DSN1: variants seen among roughly 807,000 people sequenced by gnomAD.
The protein encoded by DSN1 is kinetochore-associated protein DSN1 homolog.
A neutral mutation model predicts 45.7 loss-of-function variants in DSN1; 31 were observed. That is an observed-to-expected ratio of 0.68 (90% CI 0.51 to 0.92). The LOEUF is 0.92. Among genes scored for constraint, DSN1 ranks in the 40% least tolerant of loss-of-function variants. DSN1 has a pLI of 0.00. For missense variants in DSN1, 394 were observed against 414.2 expected, an observed-to-expected ratio of 0.95 and a Z score of 0.42; for synonymous variants, 134 against 142.3, an observed-to-expected ratio of 0.94 and a Z score of 0.41.
chr20:36,754,791 C>T lies in DSN1; in HGVS notation c.933G>A (p.Gln311=), dbSNP rs1390343287. 1 of 1,613,962 alleles carries T rather than the reference C, an allele frequency of 6.2e-7. No homozygotes were observed. Among genetic ancestry groups the T allele is most frequent in the Non-Finnish European group, 8.5e-7 (1 of 1,179,878 alleles). ...QLQAFMDEST[Q]CFQKVSVQLG... ...GCTGTACTGACACCTTCTGGAAGCA[C>T]TGGGTACTTTCATCCATAAAGGCCT... Residue 311 remains glutamine (Q), a synonymous_variant, in exon 10 of 11, where the codon CAG becomes CAA. Coordinates refer to ENST00000373750, the MANE Select transcript of DSN1 (RefSeq NM_001145315.2).
At position 36,758,680 on chromosome 20, in the gene DSN1, T is replaced by A. The variant is rs1468539796; in HGVS notation, c.591-63A>T. The A allele has an allele frequency of 7.6e-6, 11 of 1,443,848 alleles. No homozygotes were observed. The East Asian group carries it at 2.5e-4, about 33-fold the overall frequency. 89.4% of individuals were successfully genotyped at this position (1,443,848 alleles called of 1,614,324 possible). A position where few individuals can be genotyped will look rare whatever the true frequency, so the allele number is the denominator to read the frequency against. On this transcript the variant is annotated intron_variant, in intron 6 of 10. Transcript: ENST00000373750. ...GAAATATTTGCTTTAATATAATCGC[T>A]TATAAATTAGTTATTTATTTATTTC... is the stretch of plus-strand genomic sequence containing the variant.
intron 4 of DSN1, 126 bp from the exon 5 acceptor site, chr20:36,766,967 T>C: frequency 1.7e-6 from 1 of 580,546 alleles, no homozygotes; most frequent in Non-Finnish European, 2.9e-6. Flanking sequence ...TTTTTACACA[T>C]AAGACTTTTC....
At position 36,762,545 on chromosome 20, in the gene DSN1, G is replaced by A. The variant is rs1464595459; in HGVS notation, c.506C>T (p.Ser169Phe). The stretch of plus-strand genomic sequence containing the variant: ...ATGTTTCAATTCTTCAGAAAGAGAA[G>A]ATGCTAGACAGCACAAATTTACGTG... ...FSLESFRAKA[S>F]SLSEELKHFA... Residue 169 changes from serine (S) to phenylalanine (F), a missense_variant, in exon 6 of 11, where the codon TCT becomes TTT. By Grantham distance (155) the Ser-to-Phe change is radical. Transcript: ENST00000373750. 1 of 1,612,590 alleles carries A rather than the reference G, an allele frequency of 6.2e-7. No individual in the cohort carries two copies. The highest frequency in any genetic ancestry group is 1.3e-5 in the African/African-American group (1 of 74,980).
chr20:36,762,355 C>T (rs1987042149), intron 6 of DSN1, 106 bp downstream of exon 6: 1 of 868,188 alleles, frequency 1.2e-6, no homozygotes, highest in Non-Finnish European at 1.7e-6. Flanking sequence ...CGTAATCCGC[C>T]CACCTCGGCC....
chr20:36,765,839 A>G (rs763166375), intron 5 of DSN1, among the ~76,000 whole-genome samples: 1 of 148,414 alleles, frequency 6.7e-6, no homozygotes, highest in Non-Finnish European at 1.5e-5. Flanking sequence ...CTGTAGTAGC[A>G]AAAGACTAAA....
At chr20:36,766,181 C>T (rs114213036) in intron 5 of DSN1, among the ~76,000 whole-genome samples, 1,422 of 134,548 alleles carry the variant, frequency 0.011, 7 homozygotes, top group Middle Eastern at 0.045. Flanking sequence ...GTGACAGAGC[C>T]GCGACTCCAT....
intron 1 of DSN1, among the ~76,000 whole-genome samples, 156 bp from the exon 2 acceptor site, chr20:36,771,629 C>T (rs982354267): frequency 6.6e-6 from 1 of 152,230 alleles, no homozygotes; most frequent in African/African-American, 2.4e-5. Context: ...GGGGCCATCA[C>T]CTCCTCTTCT....
At chr20:36,766,439 G>A (rs1192717727) in intron 5 of DSN1, among the ~76,000 whole-genome samples, 1 of 151,870 alleles carries the variant, frequency 6.6e-6, no homozygotes, top group African/African-American at 2.4e-5. Context: ...AGGCCAAGGT[G>A]GGCAGATCAC....
intron 5 of DSN1, among the ~76,000 whole-genome samples, chr20:36,765,291 C>T (rs964126614): frequency 6.9e-6 from 1 of 144,410 alleles, no homozygotes; most frequent in Non-Finnish European, 1.5e-5. Flanking sequence ...TGCAGTGGCT[C>T]ATGCCTGTAA....
intron 6 of DSN1, among the ~76,000 whole-genome samples, 177 bp from the exon 7 acceptor site, chr20:36,758,794 TCTC>T (rs1345431248): frequency 6.6e-6 from 1 of 152,146 alleles, no homozygotes; most frequent in Non-Finnish European, 1.5e-5. Context: ...TTCAACAGAT[TCTC>T]CTGCCTTAGC....
At chr20:36,767,136 T>G (rs1275539705) in intron 4 of DSN1, among the ~76,000 whole-genome samples, 1 of 151,786 alleles carries the variant, frequency 6.6e-6, no homozygotes, top group Admixed American at 6.6e-5. Context: ...AAACCCCATC[T>G]CTACTAAAAA....
Position 36,756,318 on chromosome 20 carries a change from T to A in DSN1, c.726-489A>T, listed in dbSNP as rs919069344. Among the ~76,000 whole-genome samples, 14 of 152,250 alleles carry A rather than the reference T, an allele frequency of 9.2e-5. 1 individual carries two copies. The highest frequency in any genetic ancestry group is 3.4e-4 in the African/African-American group (14 of 41,562). The stretch of plus-strand genomic sequence containing the variant: ...CTGAAACAATTGTCTAGTATTCATG[T>A]CTTTATACCTCCGGACTCCAGGAAA... On this transcript the variant is annotated intron_variant, in intron 8 of 10. Transcript: ENST00000373750.
chr20:36,772,841 T>C (rs140652577), intron 1 of DSN1, among the ~76,000 whole-genome samples: 1 of 152,360 alleles, frequency 6.6e-6, no homozygotes, highest in Non-Finnish European at 1.5e-5. Flanking sequence ...CTTCGTAGCA[T>C]TGGCTATAAA....
At position 36,768,028 on chromosome 20, in the gene DSN1, T is replaced by C. The variant is rs746698351; in HGVS notation, c.370A>G (p.Ile124Val). The change falls in exon 4 of 11, where the codon ATC becomes GTC. Residue 124 changes from isoleucine to valine, a missense_variant. Coordinates refer to ENST00000373750, the MANE Select transcript of DSN1 (RefSeq NM_001145315.2). Reference protein sequence around the residue: ...HQGITELSRSISVDLAESKRL... With the variant: ...HQGITELSRSVSVDLAESKRL... ...TTGCTTTCTGCTAAATCGACACTGA[T>C]AGACCGGCTGAGCTCTAACATAAAA... The C allele has an allele frequency of 8.1e-6, 13 of 1,614,026 alleles. No homozygotes were observed. The highest frequency in any genetic ancestry group is 4.0e-5 in the African/African-American group (3 of 74,918).
Position 36,769,555 on chromosome 20 carries a change from A to G in DSN1, c.355+1318T>C, listed in dbSNP as rs59199189. 6.7e-3 allele frequency among the ~76,000 whole-genome samples: 1,027 copies of G among 152,318 alleles called. 13 individuals are homozygous for G. Among genetic ancestry groups the G allele is most frequent in the African/African-American group, 0.023 (966 of 41,570 alleles). ...CAATTTTCTGATGTGCTAAGTGCCTATCTTTACCCAGATTTCCTTCTGTGC... is the reference window on the plus strand; with the variant it reads ...CAATTTTCTGATGTGCTAAGTGCCTGTCTTTACCCAGATTTCCTTCTGTGC... On this transcript the variant is annotated intron_variant, in intron 3 of 10. Coordinates refer to ENST00000373750, the MANE Select transcript of DSN1 (RefSeq NM_001145315.2).
Position 36,769,156 on chromosome 20 carries a change from G to A in DSN1, c.356-1114C>T, listed in dbSNP as rs148858946. ...TATGCAACTGAATCCCTAACCAATC[G>A]CAAGATGTAGATACCGTTTTTTAAA... On this transcript the variant is annotated intron_variant, in intron 3 of 10. Coordinates refer to ENST00000373750, the MANE Select transcript of DSN1 (RefSeq NM_001145315.2). 6.1e-3 allele frequency among the ~76,000 whole-genome samples: 933 copies of A among 152,182 alleles called. 12 individuals carry two copies. Among genetic ancestry groups the A allele is most frequent in the African/African-American group, 0.021 (867 of 41,504 alleles).
At chr20:36,761,975 C>T (rs1357415806) in intron 6 of DSN1, among the ~76,000 whole-genome samples, 3 of 151,682 alleles carry the variant, frequency 2.0e-5, no homozygotes, top group Non-Finnish European at 2.9e-5. Context: ...CACCATTGCA[C>T]TCCAGCCTGG....
At chr20:36,754,684 G>T in intron 10 of DSN1, 79 bp downstream of exon 10, 2 of 1,205,466 alleles carry the variant, frequency 1.7e-6, no homozygotes, top group Non-Finnish European at 2.4e-6. Context: ...TGGACCATAG[G>T]CTTTGAAGGG....
chr20:36,752,970 G>T, intron 10 of DSN1, 73 bp from the exon 11 acceptor site: 1 of 1,192,596 alleles, frequency 8.4e-7, no homozygotes, highest in Non-Finnish European at 1.2e-6. Context: ...TTAATGTAGG[G>T]ACATTGTGAC....
Sources: gnomAD v4.1 joint callset for allele counts (sites outside exome capture counted in the v4.1 genomes callset) on GRCh38, gnomAD v4.1.1 for gene constraint, MANE v1.5 for transcripts, NCBI Gene and HGNC (gene_info 2026-07-23, HGNC 2026-07-21) for gene names.